The following ANK3 variants were observed in gnomAD, a reference collection of about 807,000 sequenced individuals.
The protein encoded by ANK3 is ankyrin-3.
A neutral mutation model predicts 370.9 loss-of-function variants in ANK3; 57 were observed. The ratio of observed to expected loss-of-function variants is 0.15; its 90% confidence interval spans 0.12 to 0.19. The LOEUF is 0.19. Among genes scored for constraint, ANK3 ranks in the 10% least tolerant of loss-of-function variants. The pLI is 1.00. For missense variants in ANK3, 4,439 were observed against 5,302.1 expected (o/e 0.84, Z 5.06); for synonymous variants, 1,929 against 1,946.3 (o/e 0.99, Z 0.23).
At chr10:60,479,630 T>C (rs909917326) in intron 2 of ANK3, among the ~76,000 whole-genome samples, 7 of 152,036 alleles carry the variant, frequency 4.6e-5, no homozygotes, top group African/African-American at 1.4e-4. Flanking sequence ...TCCAGTGAAA[T>C]ACATTTCTTT....
chr10:60,413,660 G>A (rs139195507), intron 2 of ANK3, among the ~76,000 whole-genome samples: 1 of 152,150 alleles, frequency 6.6e-6, no homozygotes, highest in African/African-American at 2.4e-5. Flanking sequence ...GACTCGAAAT[G>A]TTCTATTCAG....
At chr10:60,621,210 C>T (rs933877111) in intron 1 of ANK3, among the ~76,000 whole-genome samples, 9 of 152,160 alleles carry the variant, frequency 5.9e-5, no homozygotes, top group African/African-American at 1.7e-4. Flanking sequence ...CCTACAAATG[C>T]ACCTGCCAAG....
Position 60,082,628 on chromosome 10 carries a change from G to C in ANK3, c.4310C>G (p.Pro1437Arg). Residue 1437 changes from proline to arginine, a missense_variant, in exon 34 of 44, where the codon CCA (proline) becomes CGA (arginine). This residue lies in a region of ANK3 where 702 missense variants were observed against 941.5 expected (regional missense o/e 0.75). Transcript: ENST00000280772. The stretch of plus-strand genomic sequence containing the variant: ...ATTAAAAGATACCTTTTTATGTGCT[G>C]GCAGAGTGATATTTAAGTTGCAAAC... Reference protein sequence around the residue: ...TAVCNLNITLPAHKKETESDQ... With the variant: ...TAVCNLNITLRAHKKETESDQ... 1 of 1,613,932 alleles carries C rather than the reference G, an allele frequency of 6.2e-7. No individual in the cohort carries two copies.
intron 2 of ANK3, among the ~76,000 whole-genome samples, chr10:60,491,880 C>T (rs1333604819): frequency 6.6e-6 from 1 of 152,090 alleles, no homozygotes. Flanking sequence ...AGAGTGCCTA[C>T]CTCACAGTAT....
At chr10:60,681,665 T>C (rs2079196917) in intron 1 of ANK3, among the ~76,000 whole-genome samples, 1 of 152,202 alleles carries the variant, frequency 6.6e-6, no homozygotes, top group Non-Finnish European at 1.5e-5. Context: ...GTATCTCCAG[T>C]AAACCGTAAA....
intron 12 of ANK3, among the ~76,000 whole-genome samples, chr10:60,201,757 T>C (rs139328273): frequency 0.023 from 3,402 of 150,396 alleles, 116 homozygotes; most frequent in African/African-American, 0.075. Context: ...TGTTGCCCAG[T>C]CTAGAGTGCA....
intron 7 of ANK3, among the ~76,000 whole-genome samples, chr10:60,246,519 T>C (rs1195751547): frequency 6.6e-6 from 1 of 152,224 alleles, no homozygotes; most frequent in African/African-American, 2.4e-5. Context: ...TGACATTTCC[T>C]TAACCTCACT....
intron 25 of ANK3, among the ~76,000 whole-genome samples, chr10:60,127,948 T>C (rs760518367): frequency 6.6e-6 from 1 of 152,076 alleles, no homozygotes; most frequent in Non-Finnish European, 1.5e-5. Flanking sequence ...CTGCCCACCT[T>C]GGCCTCCCAA....
At chr10:60,291,193 A>T (rs1593155557) in intron 1 of ANK3, among the ~76,000 whole-genome samples, 1 of 152,132 alleles carries the variant, frequency 6.6e-6, no homozygotes, top group African/African-American at 2.4e-5. Context: ...TTCAGCTGCA[A>T]AATAGGATCT....
chr10:60,723,946 C>T (rs1346462017), intron 1 of ANK3, among the ~76,000 whole-genome samples: 2 of 151,692 alleles, frequency 1.3e-5, no homozygotes, highest in East Asian at 1.9e-4. Context: ...CGCGGTGGCT[C>T]ACGCCTGTAA....
In ANK3 at chr10:60,203,167, C is replaced by T. The variant is rs150110067; in HGVS notation, c.1294-67G>A. 6 of 1,085,478 alleles carry T rather than the reference C, an allele frequency of 5.5e-6. No individual in the cohort carries two copies. In the African/African-American group the frequency reaches 9.3e-5, roughly 17 times the overall value. The allele number at this position is 1,085,478 out of a possible 1,614,324, so 67.2% of individuals were successfully genotyped here. Reference sequence around the variant, plus strand: ...TAAAAAAGGTTTGTCTGTGAGCCTGCCTGCCTGTCATCCATCCACCCATCT... The same window carrying T: ...TAAAAAAGGTTTGTCTGTGAGCCTGTCTGCCTGTCATCCATCCACCCATCT... On this transcript the variant is annotated intron_variant, in intron 11 of 43. Coordinates refer to ENST00000280772, the MANE Select transcript of ANK3 (RefSeq NM_020987.5).
At chr10:60,687,878 G>T (rs2133398603) in intron 1 of ANK3, among the ~76,000 whole-genome samples, 1 of 152,264 alleles carries the variant, frequency 6.6e-6, no homozygotes. Flanking sequence ...ATACTATTCA[G>T]CCTTAAAAAA....
intron 33 of ANK3, among the ~76,000 whole-genome samples, chr10:60,082,983 C>A (rs2132009939): frequency 6.6e-6 from 1 of 152,274 alleles, no homozygotes; most frequent in South Asian, 2.1e-4. Flanking sequence ...ATTCATAGTA[C>A]AGTCTGAGTT....
At chr10:60,385,119 G>C (rs1268396410) in intron 1 of ANK3, among the ~76,000 whole-genome samples, 1 of 152,098 alleles carries the variant, frequency 6.6e-6, no homozygotes, top group Admixed American at 6.6e-5. Flanking sequence ...TTTGAGCAGG[G>C]TGATTTCCAA....
At chr10:60,149,777 C>T (rs1312777022) in intron 23 of ANK3, among the ~76,000 whole-genome samples, 3 of 152,170 alleles carry the variant, frequency 2.0e-5, no homozygotes, top group East Asian at 1.9e-4. Flanking sequence ...GGTACGATCT[C>T]GGCTCACTGC....
At chr10:60,162,908 C>T (rs959809900) in intron 23 of ANK3, among the ~76,000 whole-genome samples, 1 of 152,102 alleles carries the variant, frequency 6.6e-6, no homozygotes, top group African/African-American at 2.4e-5. Context: ...ACACTCCAAT[C>T]CACTAGAATT....
intron 5 of ANK3, among the ~76,000 whole-genome samples, 153 bp downstream of exon 5, chr10:60,269,978 A>G (rs1056761096): frequency 2.0e-5 from 3 of 152,254 alleles, no homozygotes; most frequent in Non-Finnish European, 4.4e-5. Context: ...AATTAAAAGT[A>G]GACTTATAGT....
At position 60,635,203 on chromosome 10, in the gene ANK3, T is replaced by A. The variant is rs557931856; in HGVS notation, c.58-19979A>T. Among the ~76,000 whole-genome samples, 11 of 152,344 alleles carry A rather than the reference T, an allele frequency of 7.2e-5. No homozygotes were observed. The South Asian group carries it at 2.3e-3, about 32-fold the overall frequency. On this transcript the variant is annotated intron_variant, in intron 1 of 43. Coordinates refer to the ANK3 transcript ENST00000373827. The stretch of plus-strand genomic sequence containing the variant: ...TCTACACCTCCAGATATAGTCTTGG[T>A]GGAAAGACCTCTCATCATTTAAAAG...
intron 1 of ANK3, among the ~76,000 whole-genome samples, chr10:60,711,869 A>T (rs2133430094): frequency 6.6e-6 from 1 of 152,350 alleles, no homozygotes; most frequent in African/African-American, 2.4e-5. Context: ...CACGGATAAT[A>T]ACCACATTAG....
Sources: allele counts gnomAD v4.1 joint callset (sites outside exome capture counted in the v4.1 genomes callset), GRCh38; gene constraint gnomAD v4.1.1; regional missense constraint gnomAD v4.1.1; transcripts MANE v1.5; gene names NCBI Gene and HGNC (gene_info 2026-07-23, HGNC 2026-07-21).